Variants in ATF6 observed in about 807,000 individuals in gnomAD.
ATF6 encodes the protein cyclic AMP-dependent transcription factor ATF-6 alpha.
ATF6 carries 53 observed loss-of-function variants against 83.6 expected under a neutral mutation model. The observed-to-expected ratio is 0.63, with a 90% CI of 0.51 to 0.80. The LOEUF is 0.80. Ranked by LOEUF, ATF6 falls within the 30% of genes least tolerant of loss-of-function variation. The pLI is 0.00. For missense variants in ATF6, 744 were observed against 797.9 expected (o/e 0.93, Z 0.81); for synonymous variants, 288 against 285.8 (o/e 1.01, Z -0.08).
chr1:161,801,913 C>A, intron 6 of ATF6, 139 bp from the exon 7 acceptor site: 1 of 703,958 alleles, frequency 1.4e-6, no homozygotes, highest in Non-Finnish European at 2.4e-6. Context: ...TGCTATTGAT[C>A]CAATGTTTTA....
At chr1:161,856,424 A>G (rs537902903) in intron 12 of ATF6, among the ~76,000 whole-genome samples, 1 of 152,314 alleles carries the variant, frequency 6.6e-6, no homozygotes, top group South Asian at 2.1e-4. Context: ...TAGTACTTCA[A>G]AAATTCATGT....
intron 14 of ATF6, among the ~76,000 whole-genome samples, chr1:161,879,527 A>G (rs546279713): frequency 6.6e-6 from 1 of 152,252 alleles, no homozygotes; most frequent in South Asian, 2.1e-4. Context: ...ATAGGGTGTC[A>G]TAAGAGCACA....
chr1:161,901,748 A>G (rs1461977648), intron 14 of ATF6, among the ~76,000 whole-genome samples: 1 of 152,128 alleles, frequency 6.6e-6, no homozygotes, highest in Admixed American at 6.5e-5. Flanking sequence ...AAACTCAGCA[A>G]GTGGTAATTT....
intron 9 of ATF6, among the ~76,000 whole-genome samples, chr1:161,838,830 T>G (rs1212269564): frequency 6.6e-6 from 1 of 152,226 alleles, no homozygotes; most frequent in African/African-American, 2.4e-5. Flanking sequence ...TAGAGGGTTC[T>G]TTTATCTTGA....
At chr1:161,853,376 C>T in intron 12 of ATF6, 53 bp downstream of exon 12, 1 of 1,410,854 alleles carries the variant, frequency 7.1e-7, no homozygotes, top group East Asian at 2.4e-5. Flanking sequence ...TGGAAGGCTT[C>T]TCCCAGCTGG....
chr1:161,955,612 A>G (rs758493201), intron 15 of ATF6, among the ~76,000 whole-genome samples: 6 of 152,228 alleles, frequency 3.9e-5, no homozygotes, highest in African/African-American at 7.2e-5. Flanking sequence ...TGTTAGTACT[A>G]AGCCACCCAA....
Position 161,862,934 on chromosome 1 carries a change from T to C in ATF6, c.1605-264T>C, listed in dbSNP as rs933578138. Among the ~76,000 whole-genome samples, 3 of 152,238 alleles carry C rather than the reference T, an allele frequency of 2.0e-5. No individual in the cohort carries two copies. In the South Asian group the frequency reaches 6.2e-4, roughly 31 times the overall value. On this transcript the variant is annotated intron_variant, in intron 13 of 15. Transcript: ENST00000367942. ...TTCTGATACTTTCATTATTTTTACA[T>C]GCTTTGCAATGTACTTGACCATCTA... is the stretch of plus-strand genomic sequence containing the variant.
intron 14 of ATF6, among the ~76,000 whole-genome samples, chr1:161,887,750 A>C (rs1687457100): frequency 6.6e-6 from 1 of 152,216 alleles, no homozygotes. Flanking sequence ...TCAGAGTTGG[A>C]GGACATATAA....
intron 14 of ATF6, among the ~76,000 whole-genome samples, chr1:161,882,391 G>T (rs946728540): frequency 4.6e-5 from 7 of 151,976 alleles, no homozygotes; most frequent in African/African-American, 1.7e-4. Flanking sequence ...AGTGAACAAA[G>T]AACTAAAAAT....
intron 2 of ATF6, among the ~76,000 whole-genome samples, chr1:161,778,800 G>A (rs1313386371): frequency 1.3e-5 from 2 of 152,160 alleles, no homozygotes; most frequent in East Asian, 1.9e-4. Flanking sequence ...AGAGGTCTGT[G>A]TGAAAACTAT....
At chr1:161,792,386 C>A in intron 6 of ATF6, 59 bp downstream of exon 6, 1 of 1,486,010 alleles carries the variant, frequency 6.7e-7, no homozygotes, top group Non-Finnish European at 9.2e-7. Context: ...AGGGTTGTGT[C>A]ATATGATTTG....
chr1:161,854,236 C>T (rs2101829216), intron 12 of ATF6, among the ~76,000 whole-genome samples: 1 of 152,264 alleles, frequency 6.6e-6, no homozygotes, highest in African/African-American at 2.4e-5. Context: ...AAAATTTTTT[C>T]ACTTGCACAA....
At chr1:161,873,177 C>G (rs1687151475) in intron 14 of ATF6, among the ~76,000 whole-genome samples, 1 of 151,588 alleles carries the variant, frequency 6.6e-6, no homozygotes, top group South Asian at 2.1e-4. Flanking sequence ...ATTTAAAGTA[C>G]TGCTTGAGAT....
rs944444388 is a variant in ATF6 at position 161,871,258 on chromosome 1, T to G, written c.1719+7946T>G. ...CAATGAAATTTTTAAGAATATATAG[T>G]CAGCTTTGGTGTGGGTGGACTTTTT... is the stretch of plus-strand genomic sequence containing the variant. On this transcript the variant is annotated intron_variant, in intron 14 of 15. Coordinates refer to ENST00000367942, the MANE Select transcript of ATF6 (RefSeq NM_007348.4). Among the ~76,000 whole-genome samples, 6 of 151,824 alleles carry G rather than the reference T, an allele frequency of 4.0e-5. No individual in the cohort carries two copies. The East Asian group carries it at 1.2e-3, about 29-fold the overall frequency.
intron 3 of ATF6, among the ~76,000 whole-genome samples, chr1:161,782,645 G>A (rs1399826518): frequency 6.6e-6 from 1 of 152,162 alleles, no homozygotes; most frequent in Non-Finnish European, 1.5e-5. Flanking sequence ...GAGAGACAGT[G>A]AATAAATAAC....
In ATF6 at chr1:161,863,274, A is replaced by C. The variant is rs1214758579; in HGVS notation, c.1681A>C (p.Arg561=). 1.2e-6 allele frequency: 2 copies of C among 1,612,756 alleles called. No homozygotes were observed. The highest frequency in any genetic ancestry group is 1.7e-6 in the Non-Finnish European group (2 of 1,178,934). The stretch of plus-strand genomic sequence containing the variant: ...TCAAGACTTTTTTGAAGCCATCCGC[A>C]GAAGGGGAGACACATTTTATGTTGT... ...SYQDFFEAIR[R]RGDTFYVVSF... Residue 561 remains arginine (R), a synonymous_variant, in exon 14 of 16, where the codon AGA becomes CGA. Coordinates refer to ENST00000367942, the MANE Select transcript of ATF6 (RefSeq NM_007348.4).
intron 14 of ATF6, among the ~76,000 whole-genome samples, chr1:161,893,713 C>T (rs1687609134): frequency 6.6e-6 from 1 of 152,120 alleles, no homozygotes. Context: ...CAGTTCATAC[C>T]ATTTGACAGG....
intron 9 of ATF6, among the ~76,000 whole-genome samples, chr1:161,827,961 G>A (rs542449463): frequency 6.6e-6 from 1 of 152,256 alleles, no homozygotes; most frequent in East Asian, 1.9e-4. Flanking sequence ...ACTCTGGGTG[G>A]TCTATAAATA....
chr1:161,814,103 C>G (rs140786599), intron 7 of ATF6, among the ~76,000 whole-genome samples: 10 of 152,230 alleles, frequency 6.6e-5, no homozygotes, highest in African/African-American at 2.4e-4. Flanking sequence ...AGGCTGGTCT[C>G]GAACTCCTGA....
Sources: gnomAD v4.1 joint callset for allele counts (sites outside exome capture counted in the v4.1 genomes callset) on GRCh38, gnomAD v4.1.1 for gene constraint, MANE v1.5 for transcripts, NCBI Gene and HGNC (gene_info 2026-07-23, HGNC 2026-07-21) for gene names.